FFAR1: variants seen among roughly 807,000 people sequenced by gnomAD.
The protein encoded by FFAR1 is free fatty acid receptor 1, also known as G-protein coupled receptor 40.
For missense variants in FFAR1, 424 were observed against 396.2 expected (o/e 1.07, Z -0.60); for synonymous variants, 216 against 201.5 (o/e 1.07, Z -0.61).
chr19:35,352,755 C>T (rs567309541), exon 1 of FFAR1: 1 of 464,224 alleles, frequency 2.2e-6, no homozygotes, highest in African/African-American at 1.9e-5. Flanking sequence ...CCGTGGGCCG[C>T]GAGCAGAGGC....
chr19:35,349,186 T>C (rs1381408929), upstream of FFAR1, among the ~76,000 whole-genome samples: 1 of 152,022 alleles, frequency 6.6e-6, no homozygotes, highest in Non-Finnish European at 1.5e-5. Context: ...GCCTTTGCCC[T>C]CAGGAGGCCG....
At chr19:35,351,572 C>G (rs2066944357) in exon 1 of FFAR1, 1 of 1,540,838 alleles carries the variant, frequency 6.5e-7, no homozygotes, top group African/African-American at 1.4e-5. Flanking sequence ...CCCCGCAGCT[C>G]TCCTTCGGCC....
chr19:35,351,232 C>T (rs1372881774), upstream of FFAR1, among the ~76,000 whole-genome samples: 2 of 152,208 alleles, frequency 1.3e-5, no homozygotes, highest in East Asian at 3.9e-4. Context: ...AGCTTTCTTC[C>T]TCTGGGACCT....
At chr19:35,349,983 TGGGAG>T (rs967292086), upstream of FFAR1, among the ~76,000 whole-genome samples, 2 of 152,162 alleles carry the variant, frequency 1.3e-5, no homozygotes, top group Non-Finnish European at 2.9e-5. Flanking sequence ...CATGAAAGGC[TGGGAG>T]GACTTCCAGG....
At chr19:35,349,420 A>T (rs1209096660), upstream of FFAR1, among the ~76,000 whole-genome samples, 1 of 152,228 alleles carries the variant, frequency 6.6e-6, no homozygotes, top group East Asian at 1.9e-4. Flanking sequence ...AGGGGAAACC[A>T]CACTGCTGTG....
upstream of FFAR1, among the ~76,000 whole-genome samples, chr19:35,348,974 A>C (rs181916339): frequency 2.0e-4 from 31 of 152,260 alleles, no homozygotes; most frequent in Non-Finnish European, 3.7e-4. Context: ...TGACCATGAG[A>C]TATGGCCATC....
upstream of FFAR1, among the ~76,000 whole-genome samples, chr19:35,349,728 G>A (rs545903091): frequency 3.3e-5 from 5 of 152,268 alleles, no homozygotes; most frequent in East Asian, 9.6e-4. Flanking sequence ...GGGGCAGAGT[G>A]GTCAGGTGAC....
At chr19:35,348,465 G>A (rs2066930352), upstream of FFAR1, among the ~76,000 whole-genome samples, 1 of 152,192 alleles carries the variant, frequency 6.6e-6, no homozygotes, top group Admixed American at 6.5e-5. Context: ...TGAGCGTGGT[G>A]ATTCACACCT....
chr19:35,351,319 C>A (rs1276214582), upstream of FFAR1, among the ~76,000 whole-genome samples: 1 of 152,172 alleles, frequency 6.6e-6, no homozygotes, highest in Non-Finnish European at 1.5e-5. Flanking sequence ...AGAGAAAGCA[C>A]AGGACTGGGG....
upstream of FFAR1, among the ~76,000 whole-genome samples, chr19:35,348,460 G>A (rs571928345): frequency 3.3e-5 from 5 of 152,298 alleles, no homozygotes; most frequent in East Asian, 3.9e-4. Flanking sequence ...TTAGCTGAGC[G>A]TGGTGATTCA....
At chr19:35,350,743 C>A (rs569824503), upstream of FFAR1, among the ~76,000 whole-genome samples, 7 of 152,340 alleles carry the variant, frequency 4.6e-5, no homozygotes, top group Admixed American at 4.6e-4. Flanking sequence ...TGTCACCCGC[C>A]CTCCTCCCCT....
chr19:35,352,885 G>C (rs982476650), exon 1 of FFAR1: 10 of 217,734 alleles, frequency 4.6e-5, no homozygotes, highest in African/African-American at 2.0e-4. Flanking sequence ...TTTGATTTCC[G>C]AGTAGGAGAG....
chr19:35,352,774 T>G, exon 1 of FFAR1: 2 of 404,092 alleles, frequency 4.9e-6, no homozygotes, highest in African/African-American at 2.0e-5. Flanking sequence ...GCCTTGTACT[T>G]ACGGGAAGGA....
chr19:35,349,643 C>T (rs1244790903), upstream of FFAR1, among the ~76,000 whole-genome samples: 2 of 152,158 alleles, frequency 1.3e-5, no homozygotes, highest in African/African-American at 2.4e-5. Context: ...TGCTGTCCCC[C>T]CTGAAGCCTG....
chr19:35,352,511 C>T, exon 1 of FFAR1: 15 of 1,513,976 alleles, frequency 9.9e-6, no homozygotes, highest in Non-Finnish European at 1.3e-5. Flanking sequence ...TTCTCCAGGC[C>T]CCTGCGGGGG....
At chr19:35,351,424 T>C (rs892029306), upstream of FFAR1, 11 of 788,028 alleles carry the variant, frequency 1.4e-5, no homozygotes, top group African/African-American at 1.6e-4. Flanking sequence ...ACCAGGTGAA[T>C]TGTAATTCTC....
At position 35,352,468 on chromosome 19, in the gene FFAR1, G is replaced by A. The variant is rs41275830; in HGVS notation, c.*14G>A. On this transcript the variant is annotated 3_prime_UTR_variant, in exon 1 of 1. Transcript: ENST00000246553. ...TCCCAGAAGTAACGCCACTGCTCGG[G>A]GGAAGGAGCATGGGGCAGGAGGGCC... 7.3e-3 allele frequency: 11,258 copies of A among 1,548,602 alleles called. 47 individuals carry two copies. Among genetic ancestry groups the A allele is most frequent in the Non-Finnish European group, 9.0e-3 (10,263 of 1,146,170 alleles).
exon 1 of FFAR1, chr19:35,352,637 G>C: frequency 1.5e-6 from 1 of 650,792 alleles, no homozygotes; most frequent in Admixed American, 2.9e-5. Context: ...CACCGAGCCA[G>C]AGCACGGTGG....
At chr19:35,351,538 A>G, upstream of FFAR1, 1 of 1,538,830 alleles carries the variant, frequency 6.5e-7, no homozygotes, top group Non-Finnish European at 8.7e-7. Flanking sequence ...CGTGCAGGCC[A>G]GGACGGCGGC....
Sources: allele counts gnomAD v4.1 joint callset (sites outside exome capture counted in the v4.1 genomes callset), GRCh38; gene constraint gnomAD v4.1.1; transcripts MANE v1.5; gene names NCBI Gene and HGNC (gene_info 2026-07-23, HGNC 2026-07-21).